The following TSHZ2 variants were observed in gnomAD, a reference collection of about 807,000 sequenced individuals.
TSHZ2 encodes teashirt homolog 2.
TSHZ2 carries 21 observed loss-of-function variants against 74.4 expected under a neutral mutation model. The ratio of observed to expected loss-of-function variants is 0.28; its 90% CI spans 0.20 to 0.41. The LOEUF (loss-of-function observed/expected upper bound fraction) is 0.41. Among genes scored for constraint, TSHZ2 ranks in the 10% least tolerant of loss-of-function variants. The pLI is 1.00. For missense variants in TSHZ2, 1,244 were observed against 1,293.5 expected (o/e 0.96, Z 0.59); for synonymous variants, 540 against 515.3 (o/e 1.05, Z -0.65).
chr20:53,305,022 G>A (rs1363880875), intron 2 of TSHZ2, among the ~76,000 whole-genome samples: 1 of 150,780 alleles, frequency 6.6e-6, no homozygotes, highest in Non-Finnish European at 1.5e-5. Context: ...TGCAAGCTCC[G>A]CCTCCCAGGT....
intron 2 of TSHZ2, among the ~76,000 whole-genome samples, chr20:53,357,957 G>C (rs1016660238): frequency 4.6e-5 from 7 of 152,190 alleles, no homozygotes; most frequent in Non-Finnish European, 1.0e-4. Flanking sequence ...ATATTTCTAT[G>C]AAAACAAAAT....
intron 1 of TSHZ2, among the ~76,000 whole-genome samples, chr20:53,223,038 A>G (rs1316224712): frequency 6.6e-6 from 1 of 152,164 alleles, no homozygotes; most frequent in Non-Finnish European, 1.5e-5. Context: ...GCCACCTTTT[A>G]AGTGTTCAGT....
intron 1 of TSHZ2, among the ~76,000 whole-genome samples, chr20:53,057,877 G>A (rs1043296679): frequency 2.0e-5 from 3 of 152,214 alleles, no homozygotes; most frequent in Non-Finnish European, 4.4e-5. Context: ...GACATGGACA[G>A]AAATGGGGTC....
chr20:53,341,024 G>T (rs1980177802), intron 2 of TSHZ2, among the ~76,000 whole-genome samples: 1 of 152,112 alleles, frequency 6.6e-6, no homozygotes, highest in Admixed American at 6.5e-5. Context: ...TAAGTTTTAG[G>T]TCTGCTATTA....
intron 2 of TSHZ2, among the ~76,000 whole-genome samples, chr20:53,472,252 G>A (rs1478207914): frequency 6.6e-6 from 1 of 152,196 alleles, no homozygotes; most frequent in Non-Finnish European, 1.5e-5. Context: ...AGCCATCCAG[G>A]GCAGATAGGC....
intron 2 of TSHZ2, among the ~76,000 whole-genome samples, chr20:53,425,862 A>C (rs184859078): frequency 6.6e-6 from 1 of 152,230 alleles, no homozygotes; most frequent in Admixed American, 6.5e-5. Flanking sequence ...GGTCATACAG[A>C]AACAGGTAGC....
At chr20:53,181,183 A>C (rs1037747169) in intron 1 of TSHZ2, among the ~76,000 whole-genome samples, 1 of 152,034 alleles carries the variant, frequency 6.6e-6, no homozygotes, top group South Asian at 2.1e-4. Flanking sequence ...TCTTCTCTAC[A>C]TCCCTTTTTC....
intron 1 of TSHZ2, among the ~76,000 whole-genome samples, chr20:52,981,906 AC>A (rs1981582923): frequency 6.6e-6 from 1 of 152,216 alleles, no homozygotes; most frequent in Non-Finnish European, 1.5e-5. Flanking sequence ...ATGCTGTTCT[AC>A]TACCTGGACC....
At chr20:53,187,836 A>G (rs1015840133) in intron 1 of TSHZ2, among the ~76,000 whole-genome samples, 1 of 152,114 alleles carries the variant, frequency 6.6e-6, no homozygotes, top group African/African-American at 2.4e-5. Flanking sequence ...ATCATGAGGG[A>G]AAATGGGAAA....
Position 53,323,563 on chromosome 20 carries a change from C to CTTTTTTTTTTTTTTTTTTTTTTTT in TSHZ2, c.*8+67001_*8+67024dup, listed in dbSNP as rs34687825. Among the ~76,000 whole-genome samples, 2 of 36,662 alleles carry CTTTTTTTTTTTTTTTTTTTTTTTT rather than the reference C, an allele frequency of 5.5e-5. 1 individual carries two copies. Among genetic ancestry groups the CTTTTTTTTTTTTTTTTTTTTTTTT allele is most frequent in the Non-Finnish European group, 9.2e-5 (2 of 21,682 alleles). 24.1% of individuals were successfully genotyped at this position (36,662 alleles called of 152,430 possible). On this transcript the variant is annotated intron_variant, in intron 2 of 2. Coordinates refer to ENST00000371497, the MANE Select transcript of TSHZ2 (RefSeq NM_173485.6). ...CACCCGTTTTCATTGCCTTGGAGGG[C>CTTTTTTTTTTTTTTTTTTTTTTTT]TTTTTTTTTTTTTTTTTTTTTTTTT...
At chr20:53,287,255 TAA>T (rs1380349164) in intron 2 of TSHZ2, among the ~76,000 whole-genome samples, 2 of 152,242 alleles carry the variant, frequency 1.3e-5, no homozygotes, top group African/African-American at 2.4e-5. Context: ...GGCACTTCTC[TAA>T]TTGTTCATTT....
chr20:53,082,061 G>T (rs1248991721), intron 1 of TSHZ2, among the ~76,000 whole-genome samples: 1 of 151,836 alleles, frequency 6.6e-6, no homozygotes, highest in African/African-American at 2.4e-5. Flanking sequence ...GTGTAATTTC[G>T]TCACTCCCTT....
chr20:53,321,551 G>A (rs1979263653), intron 2 of TSHZ2, among the ~76,000 whole-genome samples: 1 of 151,846 alleles, frequency 6.6e-6, no homozygotes, highest in Non-Finnish European at 1.5e-5. Context: ...AGGCATGGTG[G>A]CACATGCCTG....
intron 2 of TSHZ2, among the ~76,000 whole-genome samples, chr20:53,475,114 G>A (rs1408803738): frequency 2.9e-5 from 4 of 139,244 alleles, no homozygotes; most frequent in Middle Eastern, 3.7e-3. Context: ...CAGAAAGTCA[G>A]CAAGGATACC....
At chr20:53,206,347 C>T (rs1472581738) in intron 1 of TSHZ2, among the ~76,000 whole-genome samples, 2 of 152,322 alleles carry the variant, frequency 1.3e-5, no homozygotes, top group East Asian at 1.9e-4. Context: ...AACAGGCCCC[C>T]GAGTACAGTA....
intron 1 of TSHZ2, among the ~76,000 whole-genome samples, chr20:53,252,634 C>T (rs1163808028): frequency 1.3e-5 from 2 of 152,136 alleles, no homozygotes; most frequent in Non-Finnish European, 2.9e-5. Flanking sequence ...CATGCATCCC[C>T]AATAGCATTT....
intron 1 of TSHZ2, among the ~76,000 whole-genome samples, chr20:53,112,602 C>A (rs182296712): frequency 1.3e-5 from 2 of 152,256 alleles, no homozygotes; most frequent in Admixed American, 1.3e-4. Context: ...GATCATGGCT[C>A]ACTGCAGCCT....
At chr20:53,121,825 G>A (rs1281174032) in intron 1 of TSHZ2, among the ~76,000 whole-genome samples, 1 of 152,080 alleles carries the variant, frequency 6.6e-6, no homozygotes, top group Non-Finnish European at 1.5e-5. Flanking sequence ...CATTAAACAA[G>A]AGTAGTGGAG....
At chr20:53,251,448 G>A (rs1372229986) in intron 1 of TSHZ2, among the ~76,000 whole-genome samples, 2 of 152,184 alleles carry the variant, frequency 1.3e-5, no homozygotes, top group African/African-American at 4.8e-5. Context: ...GAAATGGGAT[G>A]ATACCGACAG....
Sources: allele counts gnomAD v4.1 joint callset (sites outside exome capture counted in the v4.1 genomes callset), GRCh38; gene constraint gnomAD v4.1.1; transcripts MANE v1.5; gene names NCBI Gene and HGNC (gene_info 2026-07-23, HGNC 2026-07-21).